The following MYT1 variants were observed in gnomAD, a reference collection of about 807,000 sequenced individuals.
The protein encoded by MYT1 is myelin transcription factor 1, also known as myelin transcription factor I.
Under a neutral mutation model 123.0 loss-of-function variants are expected in MYT1, and 23 were observed. That is an observed-to-expected ratio of 0.19 (90% confidence interval 0.13 to 0.26). MYT1 has a LOEUF of 0.26. Ranked by LOEUF, MYT1 falls within the 10% of genes least tolerant of loss-of-function variation. The pLI is 1.00. For synonymous variants in MYT1, 518 were observed against 575.3 expected (o/e 0.90, Z 1.43); for missense variants, 1,125 against 1,472.5 (o/e 0.76, Z 3.86).
At chr20:64,201,931 C>CT (rs1220522500) in intron 4 of MYT1, among the ~76,000 whole-genome samples, 20 of 131,266 alleles carry the variant, frequency 1.5e-4, no homozygotes, top group Non-Finnish European at 2.6e-4. Context: ...TCGGGAACCC[C>CT]CGCGTGTCGG....
rs58227458 is a variant in MYT1, at chr20:64,186,939, G to T, written c.-98-3124G>T. 9.7e-3 allele frequency among the ~76,000 whole-genome samples: 1,423 copies of T among 147,136 alleles called. 18 individuals carry two copies. The highest frequency in any genetic ancestry group is 0.035 in the African/African-American group (1,353 of 38,692). ...CCATGTTTCCGTGGAGAGTTTTCCTGTAGCACGTGGCTCCGGCATCCACGT... is the reference window on the plus strand; with the variant it reads ...CCATGTTTCCGTGGAGAGTTTTCCTTTAGCACGTGGCTCCGGCATCCACGT... On this transcript the variant is annotated intron_variant, in intron 1 of 22. Coordinates refer to ENST00000328439, the MANE Select transcript of MYT1 (RefSeq NM_004535.3). This position sits in a 1 kb window ranked among gnomAD's most constrained non-coding sequence, Gnocchi z 4.3.
At chr20:64,180,273 CATCT>C (rs1465936923) in intron 1 of MYT1, among the ~76,000 whole-genome samples, 1 of 152,224 alleles carries the variant, frequency 6.6e-6, no homozygotes, top group African/African-American at 2.4e-5. Flanking sequence ...TTTACTTCTC[CATCT>C]ATCGATGTTT....
intron 16 of MYT1, among the ~76,000 whole-genome samples, chr20:64,224,589 A>G (rs1359722944): frequency 1.3e-5 from 2 of 152,206 alleles, no homozygotes; most frequent in African/African-American, 2.4e-5. Flanking sequence ...GGCTGAGATC[A>G]CCACAGCAGC....
At chr20:64,219,311 G>A (rs755441184) in intron 12 of MYT1, among the ~76,000 whole-genome samples, 2 of 152,194 alleles carry the variant, frequency 1.3e-5, no homozygotes, top group Non-Finnish European at 2.9e-5. Flanking sequence ...ATGCGCCCGC[G>A]TGTCTCCCTC....
At position 64,182,030 on chromosome 20, in the gene MYT1, G is replaced by A. The variant is rs114814310; in HGVS notation, c.-98-8033G>A. 6.8e-3 allele frequency among the ~76,000 whole-genome samples: 1,036 copies of A among 152,260 alleles called. 16 individuals carry two copies. Among genetic ancestry groups the A allele is most frequent in the African/African-American group, 0.024 (977 of 41,534 alleles). On this transcript the variant is annotated intron_variant, in intron 1 of 22. Coordinates refer to ENST00000328439, the MANE Select transcript of MYT1 (RefSeq NM_004535.3). ...TGTGACCTGTGACTGGTTTCGTGTG[G>A]GCCTTAAATTGTTTCTAAATTTTTA...
Position 64,213,701 on chromosome 20 carries a change from G to A in MYT1, c.1631+54G>A. Reference sequence around the variant, plus strand: ...AGGCTGCCTCCCAAATGCCTGCAGAGGGCTTCTCAGTCTCCCGCAGGCTGT... The same window carrying A: ...AGGCTGCCTCCCAAATGCCTGCAGAAGGCTTCTCAGTCTCCCGCAGGCTGT... On this transcript the variant is annotated intron_variant, in intron 10 of 22. Transcript: ENST00000328439. This position sits in a 1 kb window ranked among gnomAD's most constrained non-coding sequence, Gnocchi z 5.6. 1 of 1,443,752 alleles carries A rather than the reference G, an allele frequency of 6.9e-7. No homozygotes were observed. Among genetic ancestry groups the A allele is most frequent in the Non-Finnish European group, 9.7e-7 (1 of 1,029,826 alleles). The allele number at this position is 1,443,752 out of a possible 1,614,324, so 89.4% of individuals were successfully genotyped here.
At position 64,166,122 on chromosome 20, in the gene MYT1, T is replaced by C. The variant is rs1006131016; in HGVS notation, c.-99+1383T>C. On this transcript the variant is annotated intron_variant, in intron 1 of 22. Coordinates refer to ENST00000328439, the MANE Select transcript of MYT1 (RefSeq NM_004535.3). This position sits in a 1 kb window ranked among gnomAD's most constrained non-coding sequence, Gnocchi z 4.9. ...TCCCATTGGTCCTTGGCTGTGATTA[T>C]CGCCTCCTTCCATATGGCCCTGTTA... Among the ~76,000 whole-genome samples, 1 of 152,194 alleles carries C rather than the reference T, an allele frequency of 6.6e-6. No homozygotes were observed. Among genetic ancestry groups the C allele is most frequent in the African/African-American group, 2.4e-5 (1 of 41,466 alleles).
intron 1 of MYT1, among the ~76,000 whole-genome samples, chr20:64,169,079 G>A (rs1475269378): frequency 1.3e-5 from 2 of 152,178 alleles, no homozygotes; most frequent in Admixed American, 1.3e-4. Flanking sequence ...AGGGGGCCCT[G>A]GGTCAAGGCG....
In MYT1 at chr20:64,203,640, C is replaced by T. The variant is rs1051809432; in HGVS notation, c.87-1395C>T. On this transcript the variant is annotated intron_variant, in intron 4 of 22. Coordinates refer to ENST00000328439, the MANE Select transcript of MYT1 (RefSeq NM_004535.3). The surrounding 1 kb of genome is among the most constrained non-coding windows in gnomAD (Gnocchi z 5.1). ...CCTGGAAGGCTGCAGAGAACATCCC[C>T]CTCCCCCACCCCATGGCTGCTGTTG... Among the ~76,000 whole-genome samples, 2 of 152,198 alleles carry T rather than the reference C, an allele frequency of 1.3e-5. No individual in the cohort carries two copies. Among genetic ancestry groups the T allele is most frequent in the Non-Finnish European group, 2.9e-5 (2 of 68,036 alleles).
intron 1 of MYT1, among the ~76,000 whole-genome samples, chr20:64,183,491 A>G (rs987939059): frequency 6.6e-6 from 1 of 152,234 alleles, no homozygotes; most frequent in Admixed American, 6.5e-5. Flanking sequence ...TCGCATCAGC[A>G]TTCTATGAGG....
chr20:64,181,191 G>A (rs1480904260), intron 1 of MYT1, among the ~76,000 whole-genome samples: 1 of 152,034 alleles, frequency 6.6e-6, no homozygotes, highest in Non-Finnish European at 1.5e-5. Flanking sequence ...ATAGTGCCGG[G>A]CTTGGTTGGA....
chr20:64,201,682 C>T (rs1983305566), intron 4 of MYT1, among the ~76,000 whole-genome samples: 1 of 152,240 alleles, frequency 6.6e-6, no homozygotes, highest in Admixed American at 6.5e-5. Context: ...GATGTTCCCC[C>T]TCCCAGAGAC....
At position 64,208,632 on chromosome 20, in the gene MYT1, T is replaced by G; in HGVS notation, c.1291+145T>G. On this transcript the variant is annotated intron_variant, in intron 7 of 22. Transcript: ENST00000328439. This position sits in a 1 kb window ranked among gnomAD's most constrained non-coding sequence, Gnocchi z 5.4. ...AAAAGGACAAATACATGACACAGAC[T>G]GTGGTCAGATACTGAGCAAATGGGT... 7.3e-7 allele frequency: 1 copy of G among 1,364,700 alleles called. No individual in the cohort carries two copies. The highest frequency in any genetic ancestry group is 2.5e-5 in the East Asian group (1 of 39,690). The allele number at this position is 1,364,700 out of a possible 1,614,324, so 84.5% of individuals were successfully genotyped here.
intron 16 of MYT1, among the ~76,000 whole-genome samples, chr20:64,226,545 G>T (rs1984174037): frequency 6.6e-6 from 1 of 152,204 alleles, no homozygotes; most frequent in Non-Finnish European, 1.5e-5. Context: ...CAGGGTCAGG[G>T]GTCAGGAGGG....
rs888339076 is a variant in MYT1 at position 64,190,785 on chromosome 20, A to G, written c.-1+625A>G. Among the ~76,000 whole-genome samples, 2 of 150,678 alleles carry G rather than the reference A, an allele frequency of 1.3e-5. No homozygotes were observed. Among genetic ancestry groups the G allele is most frequent in the Admixed American group, 6.6e-5 (1 of 15,104 alleles). On this transcript the variant is annotated intron_variant, in intron 2 of 22. Coordinates refer to ENST00000328439, the MANE Select transcript of MYT1 (RefSeq NM_004535.3). This position sits in a 1 kb window ranked among gnomAD's most constrained non-coding sequence, Gnocchi z 4.1. ...AGAGTTCAAGACCAGCCTGGCCAACATGGTGAAACCCCGTCTTTACTAAAA... is the reference window on the plus strand; with the variant it reads ...AGAGTTCAAGACCAGCCTGGCCAACGTGGTGAAACCCCGTCTTTACTAAAA...
At chr20:64,170,896 G>GAGAGAGAGAGAC (rs1982250847) in intron 1 of MYT1, among the ~76,000 whole-genome samples, 2 of 85,236 alleles carry the variant, frequency 2.3e-5, no homozygotes. Flanking sequence ...GAGAGAGAGA[G>GAGAGAGAGAGAC]AGAGAGAGAG....
intron 21 of MYT1, among the ~76,000 whole-genome samples, chr20:64,238,619 G>GCCCTCCCGGCGGAGCCATCCCCATC (rs1984622047): frequency 6.6e-6 from 1 of 151,396 alleles, no homozygotes; most frequent in African/African-American, 2.4e-5. Flanking sequence ...AGGAGTGATG[G>GCCCTCCCGGCGGAGCCATCCCCATC]CCCTCCCGGC....
intron 19 of MYT1, among the ~76,000 whole-genome samples, chr20:64,236,193 CGTGGTGGGTGACCCTGGGCTGGCT>C (rs1568723043): frequency 8.4e-5 from 3 of 35,918 alleles, no homozygotes; most frequent in African/African-American, 6.8e-4. Flanking sequence ...CTGGGATGGC[CGTGGTGGGTGACCCTGGGCTGGCT>C]GTGGTGGGTG....
At chr20:64,197,001 C>T (rs2145707851) in intron 2 of MYT1, among the ~76,000 whole-genome samples, 1 of 152,366 alleles carries the variant, frequency 6.6e-6, no homozygotes, top group East Asian at 1.9e-4. Flanking sequence ...GAGCAGACGA[C>T]ATTTGAAGGC....
Sources: gnomAD v4.1 joint callset for allele counts (sites outside exome capture counted in the v4.1 genomes callset) on GRCh38, gnomAD v4.1.1 for gene constraint, Gnocchi (gnomAD v3.1) non-coding constraint, MANE v1.5 for transcripts, NCBI Gene and HGNC (gene_info 2026-07-23, HGNC 2026-07-21) for gene names.